The following ENOX1 variants were observed in gnomAD, a reference collection of about 807,000 sequenced individuals.
ENOX1 encodes the protein ecto-NOX disulfide-thiol exchanger 1, also known as candidate growth-related and time keeping constitutive hydroquinone (NADH) oxidase.
ENOX1 carries 42 observed loss-of-function variants against 82.5 expected under a neutral mutation model. The ratio of observed to expected loss-of-function variants is 0.51; its 90% CI spans 0.40 to 0.66. ENOX1 has a LOEUF of 0.66. ENOX1 is among the 30% of genes least tolerant of loss of function. The probability of loss-of-function intolerance (pLI) is 0.00; values close to 1 mark genes in which losing one functional copy is unlikely to be tolerated. For synonymous variants in ENOX1, 271 were observed against 282.2 expected (o/e 0.96, Z 0.40); for missense variants, 608 against 811.6 (o/e 0.75, Z 3.05).
At chr13:43,777,562 A>C (rs1301355756) in intron 1 of ENOX1, among the ~76,000 whole-genome samples, 1 of 142,442 alleles carries the variant, frequency 7.0e-6, no homozygotes, top group Non-Finnish European at 1.5e-5. Flanking sequence ...TTTTTTTCTG[A>C]GACGGAGTCT....
chr13:43,239,042 G>A (rs1226895973), intron 14 of ENOX1, among the ~76,000 whole-genome samples: 1 of 152,182 alleles, frequency 6.6e-6, no homozygotes, highest in Non-Finnish European at 1.5e-5. Context: ...AAGAAATACT[G>A]CTGCATCAAC....
chr13:43,726,202 T>C (rs997441120), intron 1 of ENOX1, among the ~76,000 whole-genome samples: 2 of 151,276 alleles, frequency 1.3e-5, no homozygotes, highest in Non-Finnish European at 2.9e-5. Flanking sequence ...ACTTTTGTTA[T>C]GAAATTTTTC....
rs1004524198 is a variant in ENOX1, at chr13:43,322,481, A to G, written c.1164T>C (p.Ser388=). 9 of 1,613,734 alleles carry G rather than the reference A, an allele frequency of 5.6e-6. No homozygotes were observed. The highest frequency in any genetic ancestry group is 1.3e-5 in the African/African-American group (1 of 74,914). ...KHSEELRNAQ[S]EQLMGIRREE... The stretch of plus-strand genomic sequence containing the variant: ...CGCGGCGGATGCCCATGAGCTGCTC[A>G]CTTTGAGCATTCCGGAGCTCCTGCA... Residue 388 remains serine (S), a synonymous_variant, in exon 11 of 17, where the codon AGT becomes AGC. Coordinates refer to ENST00000690772, the MANE Select transcript of ENOX1 (RefSeq NM_001347969.2).
chr13:43,626,834 T>A (rs2082985500), intron 2 of ENOX1, among the ~76,000 whole-genome samples: 1 of 151,952 alleles, frequency 6.6e-6, no homozygotes, highest in Non-Finnish European at 1.5e-5. Context: ...AGATATTCTA[T>A]ATCCTTACTG....
At chr13:43,247,628 C>T (rs908118933) in intron 14 of ENOX1, among the ~76,000 whole-genome samples, 21 of 150,552 alleles carry the variant, frequency 1.4e-4, no homozygotes, top group Middle Eastern at 3.4e-3. Flanking sequence ...TTATATCTAC[C>T]GTGGCATTCA....
chr13:43,638,618 C>T (rs1236772224), intron 2 of ENOX1, among the ~76,000 whole-genome samples: 1 of 152,086 alleles, frequency 6.6e-6, no homozygotes, highest in Non-Finnish European at 1.5e-5. Flanking sequence ...CATGTGTCTC[C>T]CAGCAGCATT....
At chr13:43,401,206 A>G (rs1255729943) in intron 5 of ENOX1, among the ~76,000 whole-genome samples, 1 of 152,194 alleles carries the variant, frequency 6.6e-6, no homozygotes, top group African/African-American at 2.4e-5. Flanking sequence ...TAGGCAATAC[A>G]TACATTCACT....
At chr13:43,480,235 G>T (rs1456790920) in intron 3 of ENOX1, among the ~76,000 whole-genome samples, 1 of 152,064 alleles carries the variant, frequency 6.6e-6, no homozygotes, top group Non-Finnish European at 1.5e-5. Flanking sequence ...CACTGCACCT[G>T]GCTGGTTACT....
intron 1 of ENOX1, among the ~76,000 whole-genome samples, chr13:43,763,691 G>C (rs891800517): frequency 1.5e-4 from 23 of 152,118 alleles, no homozygotes; most frequent in Non-Finnish European, 3.4e-4. Flanking sequence ...ATGTCAGATT[G>C]ATTTAATACT....
chr13:43,304,221 C>G (rs978549954), intron 11 of ENOX1, among the ~76,000 whole-genome samples: 5 of 152,222 alleles, frequency 3.3e-5, no homozygotes, highest in African/African-American at 1.2e-4. Context: ...GGAATAGCAA[C>G]AGTGGTAGTG....
At chr13:43,519,975 C>T (rs2077700100) in intron 2 of ENOX1, among the ~76,000 whole-genome samples, 1 of 152,092 alleles carries the variant, frequency 6.6e-6, no homozygotes, top group African/African-American at 2.4e-5. Context: ...AATGCTTTAC[C>T]TTGCTTTTTA....
chr13:43,517,594 T>C (rs2077603682), intron 2 of ENOX1, among the ~76,000 whole-genome samples: 1 of 152,118 alleles, frequency 6.6e-6, no homozygotes, highest in Non-Finnish European at 1.5e-5. Context: ...TCCCAATCAA[T>C]GTCTTTGACC....
rs140363663 is a variant in ENOX1 at position 43,753,737 on chromosome 13, A to G, written c.-285+32915T>C. 2.8e-3 allele frequency among the ~76,000 whole-genome samples: 433 copies of G among 152,320 alleles called. 4 individuals carry two copies. The highest frequency in any genetic ancestry group is 0.01 in the African/African-American group (416 of 41,572). On this transcript the variant is annotated intron_variant, in intron 1 of 16. Transcript: ENST00000690772. ...AAGCCCATCAGTCAAGTGATATGGG[A>G]AAAATTCAAATATGTAGTATCTATG...
chr13:43,738,968 TG>T (rs1390857218), intron 1 of ENOX1, among the ~76,000 whole-genome samples: 1 of 152,212 alleles, frequency 6.6e-6, no homozygotes, highest in Admixed American at 6.5e-5. Flanking sequence ...TTGCCCTTTA[TG>T]GACAGTGCCC....
Position 43,618,484 on chromosome 13 carries a change from G to T in ENOX1, c.-219+48995C>A, listed in dbSNP as rs534400193. Among the ~76,000 whole-genome samples, 14 of 152,238 alleles carry T rather than the reference G, an allele frequency of 9.2e-5. No homozygotes were observed. In the East Asian group the frequency reaches 2.3e-3, roughly 25 times the overall value. ...CTAGCCAATTATCCCAGCACCATTTGTTGAAAAGGGTGTCCTTTCCCCACT... is the reference window on the plus strand; with the variant it reads ...CTAGCCAATTATCCCAGCACCATTTTTTGAAAAGGGTGTCCTTTCCCCACT... On this transcript the variant is annotated intron_variant, in intron 2 of 16. Transcript: ENST00000690772.
At chr13:43,638,732 G>T (rs976560696) in intron 2 of ENOX1, among the ~76,000 whole-genome samples, 1 of 152,072 alleles carries the variant, frequency 6.6e-6, no homozygotes, top group African/African-American at 2.4e-5. Context: ...TGAGTGGTGG[G>T]GGGCAGTGCA....
intron 1 of ENOX1, among the ~76,000 whole-genome samples, chr13:43,685,173 C>T (rs986273525): frequency 4.6e-5 from 7 of 152,182 alleles, no homozygotes; most frequent in Non-Finnish European, 1.0e-4. Context: ...ACGACACTTT[C>T]CTACAATGGG....
chr13:43,410,682 T>C (rs2054074233), intron 5 of ENOX1, among the ~76,000 whole-genome samples: 1 of 151,882 alleles, frequency 6.6e-6, no homozygotes, highest in Non-Finnish European at 1.5e-5. Context: ...GAATTTTTCA[T>C]TTATGGCCAC....
chr13:43,238,188 T>A (rs2153460035), intron 14 of ENOX1, among the ~76,000 whole-genome samples: 1 of 152,260 alleles, frequency 6.6e-6, no homozygotes, highest in South Asian at 2.1e-4. Flanking sequence ...CTAAGCTAAG[T>A]CTGGAGCCAG....
Sources: gnomAD v4.1 joint callset for allele counts (sites outside exome capture counted in the v4.1 genomes callset) on GRCh38, gnomAD v4.1.1 for gene constraint, MANE v1.5 for transcripts, NCBI Gene and HGNC (gene_info 2026-07-23, HGNC 2026-07-21) for gene names.